SMPX: variants seen among roughly 807,000 people sequenced by gnomAD.
SMPX encodes small muscle protein X-linked.
A neutral mutation model predicts 6.3 loss-of-function variants in SMPX; 2 were observed. That is an observed-to-expected ratio of 0.32 (90% CI 0.13 to 0.99). SMPX has a LOEUF of 0.99. Among genes scored for constraint, SMPX ranks in the 50% least tolerant of loss-of-function variants. The pLI, the probability that SMPX is intolerant of heterozygous loss-of-function variation, is 0.49. For synonymous variants in SMPX, 32 were observed against 24.7 expected (o/e 1.30, Z -0.88); for missense variants, 60 against 66.8 (o/e 0.90, Z 0.36).
intron 3 of SMPX, among the ~76,000 whole-genome samples, chrX:21,742,763 A>G (rs886399614): frequency 8.9e-6 from 1 of 112,475 alleles, no homozygotes; most frequent in Non-Finnish European, 1.9e-5. Context: ...AAAGGTTACA[A>G]GCAGGACAAA....
At chrX:21,747,557 A>C (rs2092822823) in intron 2 of SMPX, among the ~76,000 whole-genome samples, 1 of 111,603 alleles carries the variant, frequency 9.0e-6, no homozygotes. Flanking sequence ...CTTTGAGCCC[A>C]GAGGATTCTG....
In SMPX at chrX:21,742,125, G is replaced by A. The variant is rs887076749; in HGVS notation, c.132+1625C>T. On this transcript the variant is annotated intron_variant, in intron 3 of 4. Transcript: ENST00000379494. ...CAGCTGTTACATCAGTCAATTTAGT[G>A]AGAAAAGTGGGTCAAGCTACTTTCT... Among the ~76,000 whole-genome samples the A allele has an allele frequency of 2.6e-4, 29 of 112,271 alleles. No homozygotes were observed. In the Admixed American group the frequency reaches 2.7e-3, roughly 11 times the overall value.
chrX:21,718,331 T>C (rs146101116), intron 4 of SMPX, among the ~76,000 whole-genome samples: 1,136 of 112,380 alleles, frequency 0.01, 8 homozygotes, highest in African/African-American at 0.033. Flanking sequence ...GAGAAGATCA[T>C]AGCACTTGTC....
intron 4 of SMPX, among the ~76,000 whole-genome samples, chrX:21,731,626 T>TAA (rs1477094169): frequency 2.1e-5 from 2 of 97,377 alleles, no homozygotes; most frequent in Non-Finnish European, 4.2e-5. Context: ...ATGTACACAT[T>TAA]TGTGTATATG....
chrX:21,740,284 T>C (rs746112106), intron 3 of SMPX, among the ~76,000 whole-genome samples: 20 of 112,129 alleles, frequency 1.8e-4, no homozygotes, highest in Non-Finnish European at 3.2e-4. Context: ...ATTTGGCTAA[T>C]AAATATGTCC....
At chrX:21,728,764 C>A (rs940024070) in intron 4 of SMPX, among the ~76,000 whole-genome samples, 7 of 112,341 alleles carry the variant, frequency 6.2e-5, no homozygotes, top group African/African-American at 2.3e-4. Flanking sequence ...ATCTGGGTGA[C>A]CTCGGTCAAG....
At chrX:21,729,565 C>T (rs1173361151) in intron 4 of SMPX, among the ~76,000 whole-genome samples, 1 of 111,624 alleles carries the variant, frequency 9.0e-6, no homozygotes, top group Non-Finnish European at 1.9e-5. Flanking sequence ...GTAATGAGTT[C>T]CATTACATTG....
intron 2 of SMPX, among the ~76,000 whole-genome samples, chrX:21,746,490 T>G (rs1235105327): frequency 9.0e-6 from 1 of 111,408 alleles, no homozygotes; most frequent in Non-Finnish European, 1.9e-5. Context: ...ATTGGAGACT[T>G]ACACTTTGAG....
chrX:21,747,734 G>A (rs934371075), intron 2 of SMPX, among the ~76,000 whole-genome samples: 5 of 110,668 alleles, frequency 4.5e-5, no homozygotes, highest in African/African-American at 1.3e-4. Context: ...CTCCCTTTTC[G>A]TCCGCACTCT....
In SMPX at chrX:21,722,941, G is replaced by A. The variant is rs1253517991; in HGVS notation, c.*14+14608C>T. On this transcript the variant is annotated intron_variant, in intron 4 of 4. Coordinates refer to ENST00000379494, the MANE Select transcript of SMPX (RefSeq NM_014332.3). ...CTGACCATTGGAAGCACTATTACAA[G>A]CATTTGTGATTATTGCTTCATTGAT... 8.9e-5 allele frequency among the ~76,000 whole-genome samples: 10 copies of A among 112,027 alleles called. No homozygotes were observed. The Admixed American group carries it at 9.5e-4, about 11-fold the overall frequency.
chrX:21,716,535 C>T (rs1029936362), intron 4 of SMPX, among the ~76,000 whole-genome samples: 1 of 112,476 alleles, frequency 8.9e-6, no homozygotes, highest in Non-Finnish European at 1.9e-5. Flanking sequence ...GGGAGGATAA[C>T]ATGGTAAAGC....
At chrX:21,719,258 G>T (rs761419317) in intron 4 of SMPX, among the ~76,000 whole-genome samples, 1 of 111,743 alleles carries the variant, frequency 8.9e-6, no homozygotes, top group African/African-American at 3.3e-5. Flanking sequence ...AGTGGCTCAC[G>T]CCTGTAATCC....
intron 4 of SMPX, among the ~76,000 whole-genome samples, chrX:21,710,200 A>G (rs1000123076): frequency 1.3e-4 from 15 of 112,237 alleles, no homozygotes; most frequent in African/African-American, 4.9e-4. Flanking sequence ...TGTGGTATAT[A>G]TACCCCATGA....
At chrX:21,753,688 T>TGCCTG (rs1276382771) in intron 2 of SMPX, among the ~76,000 whole-genome samples, 1 of 112,353 alleles carries the variant, frequency 8.9e-6, no homozygotes, top group Non-Finnish European at 1.9e-5. Flanking sequence ...TGTTTCCAAA[T>TGCCTG]GCCTGCTTCC....
intron 4 of SMPX, among the ~76,000 whole-genome samples, chrX:21,718,916 T>C (rs1254724452): frequency 8.9e-6 from 1 of 112,469 alleles, no homozygotes; most frequent in Non-Finnish European, 1.9e-5. Flanking sequence ...GTTGCTTTCT[T>C]TTTGTTTCAT....
At chrX:21,720,781 A>C (rs1466111027) in intron 4 of SMPX, among the ~76,000 whole-genome samples, 2 of 112,519 alleles carry the variant, frequency 1.8e-5, no homozygotes, top group South Asian at 7.4e-4. Flanking sequence ...AGTGGGCAAC[A>C]CAGCTGGCTG....
chrX:21,732,788 T>G (rs2092806345), intron 4 of SMPX, among the ~76,000 whole-genome samples: 1 of 111,796 alleles, frequency 8.9e-6, no homozygotes, highest in African/African-American at 3.3e-5. Flanking sequence ...TGTTGAAGCC[T>G]TAATCCTCAA....
chrX:21,716,303 T>C (rs2092785088), intron 4 of SMPX, among the ~76,000 whole-genome samples: 2 of 112,356 alleles, frequency 1.8e-5, no homozygotes, highest in Admixed American at 1.9e-4. Flanking sequence ...TTACACCCTT[T>C]GCCTTGCCAG....
rs757875490 is a variant in SMPX, at chrX:21,745,351, A to T, written c.46-1515T>A. Among the ~76,000 whole-genome samples the T allele has an allele frequency of 1.3e-4, 15 of 111,707 alleles. No homozygotes were observed. The South Asian group carries it at 4.9e-3, about 36-fold the overall frequency. On this transcript the variant is annotated intron_variant, in intron 2 of 4. Transcript: ENST00000379494. ...GGAGGAGGAGGGGGCATAAGAGAGG[A>T]GAAAGATTTGTCTTATATGGTGGCA...
Sources: gnomAD v4.1 joint callset for allele counts (sites outside exome capture counted in the v4.1 genomes callset) on GRCh38, gnomAD v4.1.1 for gene constraint, MANE v1.5 for transcripts, NCBI Gene and HGNC (gene_info 2026-07-23, HGNC 2026-07-21) for gene names.